Variants in KIAA0232 observed in about 807,000 individuals in gnomAD.
The protein encoded by KIAA0232 is KIAA0232.
Under a neutral mutation model 122.0 loss-of-function variants are expected in KIAA0232, and 27 were observed. The ratio of observed to expected loss-of-function variants is 0.22; its 90% CI spans 0.16 to 0.31. KIAA0232 has a LOEUF of 0.31. KIAA0232 is among the 10% of genes least tolerant of loss of function. The pLI is 1.00. For missense variants in KIAA0232, 1,551 were observed against 1,634.2 expected, an observed-to-expected ratio of 0.95 and a Z score of 0.88; for synonymous variants, 613 against 587.6, an observed-to-expected ratio of 1.04 and a Z score of -0.63.
At chr4:6,873,311 G>A (rs1004847414) in intron 8 of KIAA0232, among the ~76,000 whole-genome samples, 5 of 152,236 alleles carry the variant, frequency 3.3e-5, no homozygotes, top group African/African-American at 7.2e-5. Flanking sequence ...TACAGCAGCT[G>A]CCTGCACTTG....
At chr4:6,805,729 C>T (rs536672156) in intron 2 of KIAA0232, among the ~76,000 whole-genome samples, 3 of 152,204 alleles carry the variant, frequency 2.0e-5, no homozygotes, top group African/African-American at 7.2e-5. Context: ...AATGTTTCAA[C>T]GTTGACAAAG....
chr4:6,807,772 G>C (rs1281729607), intron 2 of KIAA0232, among the ~76,000 whole-genome samples: 1 of 152,172 alleles, frequency 6.6e-6, no homozygotes, highest in Non-Finnish European at 1.5e-5. Context: ...CATGTGCTGA[G>C]ATCAGAAAAT....
At chr4:6,857,131 T>C in intron 4 of KIAA0232, 33 bp from the exon 5 acceptor site, 4 of 1,546,438 alleles carry the variant, frequency 2.6e-6, no homozygotes, top group Non-Finnish European at 3.5e-6. Context: ...CATACCTGGC[T>C]GTAACCTAAT....
At chr4:6,856,207 T>C (rs1030801286) in intron 4 of KIAA0232, among the ~76,000 whole-genome samples, 2 of 152,226 alleles carry the variant, frequency 1.3e-5, no homozygotes, top group Non-Finnish European at 2.9e-5. Flanking sequence ...GTTCTATTTT[T>C]AGCCCGTCAA....
intron 1 of KIAA0232, among the ~76,000 whole-genome samples, chr4:6,802,613 G>A (rs142127051): frequency 2.0e-5 from 3 of 150,984 alleles, no homozygotes; most frequent in East Asian, 2.0e-4. Context: ...GAGTTACAGT[G>A]CACAATTAAC....
intron 6 of KIAA0232, among the ~76,000 whole-genome samples, chr4:6,859,714 T>C (rs1720757220): frequency 6.6e-6 from 1 of 152,178 alleles, no homozygotes; most frequent in East Asian, 1.9e-4. Context: ...TTCAGGCCCT[T>C]TGAAAACATG....
intron 9 of KIAA0232, among the ~76,000 whole-genome samples, chr4:6,879,296 G>T (rs1179452599): frequency 6.6e-6 from 1 of 152,180 alleles, no homozygotes; most frequent in Non-Finnish European, 1.5e-5. Context: ...ATAGGAAAGT[G>T]AAGCACAAAA....
intron 1 of KIAA0232, among the ~76,000 whole-genome samples, chr4:6,797,937 A>C (rs1206614637): frequency 6.6e-6 from 1 of 151,952 alleles, no homozygotes; most frequent in Non-Finnish European, 1.5e-5. Context: ...GGGCGCCTGT[A>C]GTCCCAGCTA....
At chr4:6,868,596 A>G (rs1721305858) in intron 7 of KIAA0232, among the ~76,000 whole-genome samples, 1 of 152,156 alleles carries the variant, frequency 6.6e-6, no homozygotes, top group Non-Finnish European at 1.5e-5. Flanking sequence ...CAGGAAAGGG[A>G]GGGCAGCACT....
At chr4:6,784,163 T>C (rs1229990565) in intron 1 of KIAA0232, among the ~76,000 whole-genome samples, 1 of 152,014 alleles carries the variant, frequency 6.6e-6, no homozygotes, top group East Asian at 1.9e-4. Context: ...GAAAAAATTA[T>C]ATAAATGTAG....
At chr4:6,849,834 T>A (rs1239016721) in intron 4 of KIAA0232, among the ~76,000 whole-genome samples, 1 of 152,030 alleles carries the variant, frequency 6.6e-6, no homozygotes, top group African/African-American at 2.4e-5. Flanking sequence ...ATCTTTGTGG[T>A]ATGAATAAGG....
chr4:6,868,182 TC>T (rs1439403552), intron 7 of KIAA0232, among the ~76,000 whole-genome samples: 12 of 152,236 alleles, frequency 7.9e-5, no homozygotes, highest in African/African-American at 2.9e-4. Context: ...GCTTCCACCT[TC>T]TAAAGAATTT....
At chr4:6,818,178 G>C (rs1718227205) in intron 2 of KIAA0232, among the ~76,000 whole-genome samples, 1 of 151,886 alleles carries the variant, frequency 6.6e-6, no homozygotes, top group Admixed American at 6.6e-5. Context: ...CGAGGCTGGT[G>C]GATCACGAGG....
rs777850900 is a variant in KIAA0232 at position 6,862,644 on chromosome 4, A to G, written c.2262A>G (p.Val754=). Reference sequence around the variant, plus strand: ...TTCCTAGAGTCTCGTCAAATTATGTAGATGAAGAACTTCTAGATTTTTTGC... The same window carrying G: ...TTCCTAGAGTCTCGTCAAATTATGTGGATGAAGAACTTCTAGATTTTTTGC... ...YVVPRVSSNY[V]DEELLDFLQD... Residue 754 remains valine, a synonymous_variant, in exon 7 of 10, where the codon GTA becomes GTG. Transcript: ENST00000307659. The G allele has an allele frequency of 1.2e-6, 2 of 1,613,128 alleles. No homozygotes were observed. Among genetic ancestry groups the G allele is most frequent in the Non-Finnish European group, 1.7e-6 (2 of 1,179,742 alleles).
intron 1 of KIAA0232, among the ~76,000 whole-genome samples, chr4:6,798,283 T>C (rs1349034594): frequency 2.0e-5 from 3 of 152,112 alleles, no homozygotes; most frequent in Non-Finnish European, 4.4e-5. Flanking sequence ...AAAGCAGTGT[T>C]TGATGCTGAG....
Position 6,881,028 on chromosome 4 carries a change from T to G in KIAA0232, c.*62T>G. ...TATGTGATGGAAAATTACTCTTCAG[T>G]GAGACCTGTTAATCTAAAACAACAA... is the stretch of plus-strand genomic sequence containing the variant. On this transcript the variant is annotated 3_prime_UTR_variant, in exon 10 of 10. Coordinates refer to ENST00000307659, the MANE Select transcript of KIAA0232 (RefSeq NM_014743.3). The G allele has an allele frequency of 8.3e-7, 1 of 1,199,368 alleles. No individual in the cohort carries two copies. The allele number at this position is 1,199,368 out of a possible 1,614,324, so 74.3% of individuals were successfully genotyped here. A position where few individuals can be genotyped will look rare whatever the true frequency, so the allele number is the denominator to read the frequency against.
At chr4:6,856,789 C>G (rs529344364) in intron 4 of KIAA0232, among the ~76,000 whole-genome samples, 3 of 152,106 alleles carry the variant, frequency 2.0e-5, no homozygotes, top group African/African-American at 7.2e-5. Flanking sequence ...AGATCTCGCT[C>G]ACATAAATAT....
At chr4:6,858,624 G>A (rs1720687588) in intron 6 of KIAA0232, 118 bp downstream of exon 6, 2 of 640,614 alleles carry the variant, frequency 3.1e-6, no homozygotes, top group African/African-American at 1.9e-5. Context: ...TATAATGTAA[G>A]AAACATTTAT....
At chr4:6,837,472 G>A (rs1364082293) in intron 3 of KIAA0232, among the ~76,000 whole-genome samples, 1 of 152,100 alleles carries the variant, frequency 6.6e-6, no homozygotes, top group Non-Finnish European at 1.5e-5. Context: ...CCAGACGATG[G>A]GCGGCTGGGC....
Sources: gnomAD v4.1 joint callset for allele counts (sites outside exome capture counted in the v4.1 genomes callset) on GRCh38, gnomAD v4.1.1 for gene constraint, MANE v1.5 for transcripts, NCBI Gene and HGNC (gene_info 2026-07-23, HGNC 2026-07-21) for gene names.